The following ATG10 variants were observed in gnomAD, a reference collection of about 807,000 sequenced individuals.
ATG10 encodes the protein autophagy related 10.
In ATG10, 30 loss-of-function variants were observed where a neutral mutation model predicts 32.1. The ratio of observed to expected loss-of-function variants is 0.94; its 90% confidence interval spans 0.70 to 1.27. ATG10 has a LOEUF of 1.27. ATG10 is among the 50% of genes most tolerant of loss of function. The pLI is 0.00. For synonymous variants in ATG10, 87 were observed against 91.5 expected (o/e 0.95, Z 0.28); for missense variants, 233 against 262.3 (o/e 0.89, Z 0.77).
chr5:82,229,768 G>A (rs181450146), intron 5 of ATG10, among the ~76,000 whole-genome samples: 81 of 152,192 alleles, frequency 5.3e-4, no homozygotes, highest in African/African-American at 1.9e-3. Context: ...GGACATGGAG[G>A]GCCAACTATA....
At chr5:82,022,249 A>G (rs1762462510) in intron 2 of ATG10, among the ~76,000 whole-genome samples, 1 of 152,042 alleles carries the variant, frequency 6.6e-6, no homozygotes, top group Admixed American at 6.5e-5. Flanking sequence ...TTGCTGATAC[A>G]GAAGACTGGA....
chr5:82,138,243 C>G (rs1581729196), intron 3 of ATG10, among the ~76,000 whole-genome samples: 4 of 152,150 alleles, frequency 2.6e-5, no homozygotes, highest in African/African-American at 9.7e-5. Flanking sequence ...ATGATTCTGT[C>G]TCACTGGTGT....
chr5:82,145,710 C>CTT (rs573735182), intron 3 of ATG10, among the ~76,000 whole-genome samples: 4 of 142,772 alleles, frequency 2.8e-5, no homozygotes, highest in Non-Finnish European at 4.6e-5. Context: ...ACATTATAGT[C>CTT]TTTTTTTTTT....
chr5:82,009,544 C>T (rs2149692505), intron 2 of ATG10: 2 of 1,470,878 alleles, frequency 1.4e-6, no homozygotes, highest in Admixed American at 1.7e-5. Context: ...GGGGTGCTCT[C>T]CTGAGCTACA....
At chr5:82,169,026 G>A (rs144880260) in intron 4 of ATG10, among the ~76,000 whole-genome samples, 3 of 152,230 alleles carry the variant, frequency 2.0e-5, no homozygotes, top group African/African-American at 7.2e-5. Flanking sequence ...GGGGAGGAGA[G>A]TGAGTGCCAA....
chr5:82,027,334 G>A (rs761746500), intron 2 of ATG10, among the ~76,000 whole-genome samples: 90 of 152,194 alleles, frequency 5.9e-4, no homozygotes, highest in Non-Finnish European at 1.1e-3. Flanking sequence ...AGGATGTTGA[G>A]GCTGTGGTAA....
At chr5:82,106,771 G>A (rs146933214) in intron 3 of ATG10, among the ~76,000 whole-genome samples, 142 of 151,596 alleles carry the variant, frequency 9.4e-4, no homozygotes, top group Non-Finnish European at 1.6e-3. Context: ...AACATTCCCT[G>A]ACCCCCACCT....
Position 82,047,965 on chromosome 5 carries a change from TA to T in ATG10, c.109-10527del, listed in dbSNP as rs552753873. 5.6e-3 allele frequency among the ~76,000 whole-genome samples: 846 copies of T among 151,740 alleles called. 10 individuals carry two copies. The highest frequency in any genetic ancestry group is 9.7e-3 in the Non-Finnish European group (661 of 67,902). ...AGCCAGTTTTCCCAGCACCGTTTAT[TA>T]AATAGGGAATCCTTTCCCCATTGCT... On this transcript the variant is annotated intron_variant, in intron 2 of 7. Transcript: ENST00000282185.
At chr5:82,020,155 A>T (rs1205270562) in intron 2 of ATG10, among the ~76,000 whole-genome samples, 3 of 152,236 alleles carry the variant, frequency 2.0e-5, no homozygotes, top group Non-Finnish European at 4.4e-5. Flanking sequence ...CAGTTAAACC[A>T]GTCGATGTCC....
chr5:82,077,184 A>G (rs1357154087), intron 3 of ATG10, among the ~76,000 whole-genome samples: 1 of 152,120 alleles, frequency 6.6e-6, no homozygotes, highest in Non-Finnish European at 1.5e-5. Flanking sequence ...CTAGCCAGGC[A>G]TAGTGGCGTA....
At chr5:82,144,895 C>G (rs964249325) in intron 3 of ATG10, among the ~76,000 whole-genome samples, 20 of 151,972 alleles carry the variant, frequency 1.3e-4, no homozygotes, top group African/African-American at 4.8e-4. Context: ...ACTAAAATCT[C>G]TTACTATGAT....
intron 1 of ATG10, among the ~76,000 whole-genome samples, chr5:81,987,029 C>T (rs1015432197): frequency 2.0e-5 from 3 of 151,858 alleles, no homozygotes; most frequent in East Asian, 1.9e-4. Flanking sequence ...GATGACAGAG[C>T]GAGTCTTCAT....
intron 5 of ATG10, among the ~76,000 whole-genome samples, chr5:82,235,583 C>T (rs1746522433): frequency 6.6e-6 from 1 of 152,248 alleles, no homozygotes; most frequent in Non-Finnish European, 1.5e-5. Flanking sequence ...ATCCACCACA[C>T]TGTCACCCTC....
Position 82,106,555 on chromosome 5 carries a change from C to G in ATG10, c.216+47953C>G, listed in dbSNP as rs114241202. Among the ~76,000 whole-genome samples the G allele has an allele frequency of 2.0e-3, 302 of 152,124 alleles. 1 individual carries two copies. The highest frequency in any genetic ancestry group is 7.0e-3 in the African/African-American group (290 of 41,516). ...TTTACCAGGGTGAGATCTCATTTAA[C>G]ATGTTTTAGATTACAGAGGTTTTAT... On this transcript the variant is annotated intron_variant, in intron 3 of 7. Coordinates refer to ENST00000282185, the MANE Select transcript of ATG10 (RefSeq NM_031482.5).
rs572138212 is a variant in ATG10 at position 82,041,476 on chromosome 5, A to G, written c.109-17019A>G. 3.9e-5 allele frequency among the ~76,000 whole-genome samples: 6 copies of G among 152,310 alleles called. No individual in the cohort carries two copies. The South Asian group carries it at 1.2e-3, about 32-fold the overall frequency. On this transcript the variant is annotated intron_variant, in intron 2 of 7. Coordinates refer to ENST00000282185, the MANE Select transcript of ATG10 (RefSeq NM_031482.5). ...AAACAGTGATACCTGAAAATTGGGA[A>G]CAAACTTTGGTATATTTCAAGTATA...
intron 5 of ATG10, among the ~76,000 whole-genome samples, chr5:82,206,716 C>T (rs930616881): frequency 6.6e-6 from 1 of 151,926 alleles, no homozygotes; most frequent in Non-Finnish European, 1.5e-5. Context: ...AATTATCACA[C>T]AACTCAATGA....
chr5:82,170,820 C>T (rs572363791), intron 4 of ATG10, among the ~76,000 whole-genome samples: 14 of 152,156 alleles, frequency 9.2e-5, no homozygotes, highest in Middle Eastern at 3.4e-3. Flanking sequence ...TGGTAGCAAG[C>T]GCCTGTACTC....
intron 4 of ATG10, among the ~76,000 whole-genome samples, chr5:82,168,197 C>A (rs940471413): frequency 1.3e-5 from 2 of 152,026 alleles, no homozygotes; most frequent in Admixed American, 1.3e-4. Flanking sequence ...CTCATTTTCC[C>A]TTTTGAGGGC....
chr5:82,226,444 T>G (rs1316575092), intron 5 of ATG10, among the ~76,000 whole-genome samples: 2 of 152,214 alleles, frequency 1.3e-5, no homozygotes, highest in Admixed American at 6.5e-5. Flanking sequence ...CTCAGTTCAG[T>G]CTTCCCTGAA....
Sources: allele counts gnomAD v4.1 joint callset (sites outside exome capture counted in the v4.1 genomes callset), GRCh38; gene constraint gnomAD v4.1.1; transcripts MANE v1.5; gene names NCBI Gene and HGNC (gene_info 2026-07-23, HGNC 2026-07-21).